CASZ1: variants seen among roughly 807,000 people sequenced by gnomAD.
CASZ1 encodes castor zinc finger 1.
In CASZ1, 28 loss-of-function variants were observed where a neutral mutation model predicts 135.2. That is an observed-to-expected ratio of 0.21 (90% CI 0.15 to 0.28). CASZ1 has a LOEUF of 0.28. CASZ1 is among the 10% of genes least tolerant of loss of function. The probability of loss-of-function intolerance (pLI) is 1.00; values close to 1 mark genes in which losing one functional copy is unlikely to be tolerated. For synonymous variants in CASZ1, 1,068 were observed against 1,073.4 expected, an observed-to-expected ratio of 0.99 and a Z score of 0.10; for missense variants, 2,161 against 2,453.3, an observed-to-expected ratio of 0.88 and a Z score of 2.52.
At chr1:10,771,661 TCC>T (rs1640579316) in intron 1 of CASZ1, among the ~76,000 whole-genome samples, 1 of 16,504 alleles carries the variant, frequency 6.1e-5, no homozygotes, top group African/African-American at 1.3e-4. Context: ...ACCTCTTTCC[TCC>T]TCCTCCTCCT....
intron 6 of CASZ1, among the ~76,000 whole-genome samples, 156 bp from the exon 7 acceptor site, chr1:10,658,732 C>T (rs1203836129): frequency 1.3e-5 from 2 of 152,222 alleles, no homozygotes; most frequent in Non-Finnish European, 2.9e-5. Flanking sequence ...ACATCCCTGG[C>T]AGAAGCTGGC....
chr1:10,704,877 G>C (rs945244346), intron 3 of CASZ1, among the ~76,000 whole-genome samples: 1 of 152,254 alleles, frequency 6.6e-6, no homozygotes, highest in Non-Finnish European at 1.5e-5. Context: ...CGTGAAGGCT[G>C]GGCCAGGCTG....
At chr1:10,682,014 G>T (rs1375129743) in intron 4 of CASZ1, among the ~76,000 whole-genome samples, 1 of 152,218 alleles carries the variant, frequency 6.6e-6, no homozygotes, top group African/African-American at 2.4e-5. Flanking sequence ...GCAACTGTTT[G>T]CAGTGAAGTG....
At chr1:10,730,286 G>A (rs1017432084) in intron 2 of CASZ1, among the ~76,000 whole-genome samples, 9 of 151,306 alleles carry the variant, frequency 5.9e-5, no homozygotes, top group East Asian at 5.8e-4. Context: ...TGCCCGCCTC[G>A]GCCTCCCAAA....
rs2100453185 is a variant in CASZ1, at chr1:10,709,301, C to T, written c.-76-3757G>A. Among the ~76,000 whole-genome samples, 1 of 152,342 alleles carries T rather than the reference C, an allele frequency of 6.6e-6. No individual in the cohort carries two copies. The highest frequency in any genetic ancestry group is 1.5e-5 in the Non-Finnish European group (1 of 68,036). ...CGCACTCCACTGCGTCTCCTTCCCC[C>T]TGCCCCCAGCCCCATCCTCACGCAC... On this transcript the variant is annotated intron_variant, in intron 2 of 20. Transcript: ENST00000377022. The surrounding 1 kb of genome is among the most constrained non-coding windows in gnomAD (Gnocchi z 5.1).
intron 7 of CASZ1, chr1:10,658,174 C>T (rs1039811879): frequency 2.9e-5 from 9 of 305,608 alleles, no homozygotes; most frequent in African/African-American, 1.9e-4. Context: ...CGGTGGCCTG[C>T]ACCCTACTCA....
At position 10,753,202 on chromosome 1, in the gene CASZ1, G is replaced by A. The variant is rs144759092; in HGVS notation, c.-77+7499C>T. On this transcript the variant is annotated intron_variant, in intron 2 of 20. Transcript: ENST00000377022. ...TTTATTTGCTAACTCTGGCAGCCCC[G>A]TCCTGATGACTCAGCAGGTAGCCCC... 5.8e-3 allele frequency among the ~76,000 whole-genome samples: 885 copies of A among 152,296 alleles called. 10 individuals are homozygous for A. Among genetic ancestry groups the A allele is most frequent in the African/African-American group, 0.02 (836 of 41,556 alleles).
chr1:10,668,921 T>C (rs897777648), intron 4 of CASZ1, among the ~76,000 whole-genome samples: 1 of 152,216 alleles, frequency 6.6e-6, no homozygotes, highest in African/African-American at 2.4e-5. Flanking sequence ...TTACCTGGCC[T>C]GGAAGAGGCA....
At position 10,651,085 on chromosome 1, in the gene CASZ1, G is replaced by T; in HGVS notation, c.2681-9C>A. 6.7e-7 allele frequency: 1 copy of T among 1,500,830 alleles called. No individual in the cohort carries two copies. Among genetic ancestry groups the T allele is most frequent in the South Asian group, 1.4e-5 (1 of 72,814 alleles). The allele number at this position is 1,500,830 out of a possible 1,614,324, so 93.0% of individuals were successfully genotyped here. ...GACCTGCTGCCCGCTTCCTGCAGGG[G>T]AGGGGTGGGAAGATGCGTCAGAGGG... On this transcript the variant is annotated splice_polypyrimidine_tract_variant and intron_variant, in intron 11 of 20. Transcript: ENST00000377022.
At chr1:10,643,363 G>A (rs753123249) in intron 18 of CASZ1, 52 bp from the exon 19 acceptor site, 21 of 1,593,872 alleles carry the variant, frequency 1.3e-5, no homozygotes, top group Non-Finnish European at 1.8e-5. Flanking sequence ...AGCGCTCATG[G>A]CTTCCAGGTC....
rs2100641118 is a variant in CASZ1 at position 10,794,178 on chromosome 1, T to TGC, written c.-234+2385_-234+2386insGC. ...GTGTGCGTGTTTGTATGTGTATGCGTGTGTGTGTGTGTGTGTGTGTGCGCG... is the reference window on the plus strand; with the variant it reads ...GTGTGCGTGTTTGTATGTGTATGCGTGCGTGTGTGTGTGTGTGTGTGTGCGCG... On this transcript the variant is annotated intron_variant, in intron 1 of 20. Transcript: ENST00000377022. The surrounding 1 kb of genome is among the most constrained non-coding windows in gnomAD (Gnocchi z 5.6). Among the ~76,000 whole-genome samples, 1 of 103,116 alleles carries TGC rather than the reference T, an allele frequency of 9.7e-6. No homozygotes were observed. Among genetic ancestry groups the TGC allele is most frequent in the African/African-American group, 5.1e-5 (1 of 19,630 alleles). 67.6% of individuals were successfully genotyped at this position (103,116 alleles called of 152,430 possible).
intron 2 of CASZ1, among the ~76,000 whole-genome samples, chr1:10,713,129 C>G (rs561409886): frequency 1.5e-4 from 23 of 152,198 alleles, no homozygotes; most frequent in Non-Finnish European, 2.9e-4. Context: ...TGCTTCTTGA[C>G]AGGGAGTCAT....
intron 11 of CASZ1, 122 bp downstream of exon 11, chr1:10,653,255 C>A: frequency 9.5e-7 from 1 of 1,055,664 alleles, no homozygotes; most frequent in South Asian, 1.4e-5. Flanking sequence ...GGGGTGCTGG[C>A]AAGCAGGGGC....
rs528149862 is a variant in CASZ1, at chr1:10,638,075, G to T, written c.*867C>A. The T allele has an allele frequency of 5.2e-5, 8 of 152,572 alleles. No individual in the cohort carries two copies. The highest frequency in any genetic ancestry group is 1.7e-4 in the African/African-American group (7 of 41,582). 9.5% of individuals were successfully genotyped at this position (152,572 alleles called of 1,614,324 possible). A position where few individuals can be genotyped will look rare whatever the true frequency, so the allele number is the denominator to read the frequency against. ...GACTGAGCCTCCAACCTCAGGCCGG[G>T]CCCAGGCGGGTCTGCACTCTCACCA... On this transcript the variant is annotated 3_prime_UTR_variant, in exon 21 of 21. Coordinates refer to ENST00000377022, the MANE Select transcript of CASZ1 (RefSeq NM_001079843.3). The surrounding 1 kb of genome is among the most constrained non-coding windows in gnomAD (Gnocchi z 5.9).
chr1:10,777,874 C>T lies in CASZ1; in HGVS notation c.-233-17017G>A, dbSNP rs1010569088. Among the ~76,000 whole-genome samples, 3 of 152,122 alleles carry T rather than the reference C, an allele frequency of 2.0e-5. No individual in the cohort carries two copies. Among genetic ancestry groups the T allele is most frequent in the African/African-American group, 7.2e-5 (3 of 41,422 alleles). The stretch of plus-strand genomic sequence containing the variant: ...TCTCATATACAATGACTCACGATCT[C>T]ACACAATCACACAATTTCACACAAA... On this transcript the variant is annotated intron_variant, in intron 1 of 20. Transcript: ENST00000377022. This position sits in a 1 kb window ranked among gnomAD's most constrained non-coding sequence, Gnocchi z 4.4.
At position 10,655,630 on chromosome 1, in the gene CASZ1, G is replaced by A; in HGVS notation, c.1665+19C>T. The stretch of plus-strand genomic sequence containing the variant: ...GGCCAGTCCTGCAGCTGCCCAGTGG[G>A]CCCGGGTGCGGGAGGCACCTGCATG... On this transcript the variant is annotated intron_variant, in intron 9 of 20. Transcript: ENST00000377022. The A allele has an allele frequency of 6.2e-7, 1 of 1,601,896 alleles. No individual in the cohort carries two copies. The highest frequency in any genetic ancestry group is 8.5e-7 in the Non-Finnish European group (1 of 1,173,742).
rs151100669 is a variant in CASZ1 at position 10,780,079 on chromosome 1, G to A, written c.-234+16485C>T. Among the ~76,000 whole-genome samples, 5 of 152,238 alleles carry A rather than the reference G, an allele frequency of 3.3e-5. No individual in the cohort carries two copies. In the East Asian group the frequency reaches 9.6e-4, roughly 29 times the overall value. On this transcript the variant is annotated intron_variant, in intron 1 of 20. Transcript: ENST00000377022. The stretch of plus-strand genomic sequence containing the variant: ...TTCCAGCAGGAGCCCTCACCCTCAC[G>A]GTGACCTTCACTCCCCACAAACTGC...
intron 2 of CASZ1, among the ~76,000 whole-genome samples, chr1:10,710,638 G>A (rs1639267461): frequency 6.6e-6 from 1 of 152,232 alleles, no homozygotes; most frequent in South Asian, 2.1e-4. Flanking sequence ...AGCGTGGTAG[G>A]CAGTGCCTCC....
chr1:10,701,992 G>A lies in CASZ1; in HGVS notation c.-24+3500C>T, dbSNP rs563101748. Among the ~76,000 whole-genome samples the A allele has an allele frequency of 4.6e-5, 7 of 152,228 alleles. No homozygotes were observed. Among genetic ancestry groups the A allele is most frequent in the African/African-American group, 1.4e-4 (6 of 41,458 alleles). ...CTTCCGGCCCCGCTGCCTGGGCGGC[G>A]TCTGTCTTCCTTTGCGGACAGCAGG... On this transcript the variant is annotated intron_variant, in intron 3 of 20. Coordinates refer to ENST00000377022, the MANE Select transcript of CASZ1 (RefSeq NM_001079843.3). The surrounding 1 kb of genome is among the most constrained non-coding windows in gnomAD (Gnocchi z 6.3).
Sources: allele counts gnomAD v4.1 joint callset (sites outside exome capture counted in the v4.1 genomes callset), GRCh38; gene constraint gnomAD v4.1.1; non-coding constraint Gnocchi (gnomAD v3.1); transcripts MANE v1.5; gene names NCBI Gene and HGNC (gene_info 2026-07-23, HGNC 2026-07-21).